DOK6: variants seen among roughly 807,000 people sequenced by gnomAD.
DOK6 encodes docking protein 6.
In DOK6, 22 loss-of-function variants were observed where a neutral mutation model predicts 44.0. That is an observed-to-expected ratio of 0.50 (90% CI 0.36 to 0.71). DOK6 has a LOEUF of 0.71. DOK6 is among the 30% of genes least tolerant of loss of function. The probability of loss-of-function intolerance (pLI) is 0.00; values close to 1 mark genes in which losing one functional copy is unlikely to be tolerated. For missense variants in DOK6, 340 were observed against 416.4 expected, an observed-to-expected ratio of 0.82 and a Z score of 1.60; for synonymous variants, 166 against 145.5, an observed-to-expected ratio of 1.14 and a Z score of -1.01.
chr18:69,806,606 A>G (rs1981057961), intron 7 of DOK6, among the ~76,000 whole-genome samples: 1 of 151,942 alleles, frequency 6.6e-6, no homozygotes, highest in South Asian at 2.1e-4. Context: ...CCATAAATGC[A>G]TTTTGATTTA....
At chr18:69,751,525 A>C (rs935345078) in intron 6 of DOK6, among the ~76,000 whole-genome samples, 2 of 152,176 alleles carry the variant, frequency 1.3e-5, no homozygotes, top group African/African-American at 4.8e-5. Flanking sequence ...CAGAGTGAAT[A>C]GTGTTTATTA....
intron 3 of DOK6, among the ~76,000 whole-genome samples, chr18:69,642,086 T>C (rs1426418601): frequency 6.6e-6 from 1 of 152,244 alleles, no homozygotes; most frequent in East Asian, 1.9e-4. Context: ...TTTATCTTGT[T>C]TACTTATTTC....
intron 7 of DOK6, among the ~76,000 whole-genome samples, chr18:69,826,628 T>C (rs1312373166): frequency 2.0e-5 from 3 of 152,124 alleles, no homozygotes; most frequent in African/African-American, 4.8e-5. Flanking sequence ...ATCTCTGATC[T>C]CTTACTTTCT....
intron 5 of DOK6, among the ~76,000 whole-genome samples, chr18:69,717,930 G>A (rs1986921193): frequency 6.6e-6 from 1 of 152,214 alleles, no homozygotes; most frequent in Admixed American, 6.5e-5. Flanking sequence ...GGCCTTAGAT[G>A]TCAAAGAATC....
At chr18:69,741,459 A>G (rs1599298943) in intron 6 of DOK6, among the ~76,000 whole-genome samples, 3 of 152,112 alleles carry the variant, frequency 2.0e-5, no homozygotes, top group African/African-American at 7.2e-5. Context: ...TCCAGATACA[A>G]TTTTTTTATA....
At chr18:69,430,843 G>A (rs1978786086) in intron 1 of DOK6, among the ~76,000 whole-genome samples, 2 of 152,112 alleles carry the variant, frequency 1.3e-5, no homozygotes, top group African/African-American at 4.8e-5. Flanking sequence ...GCGGGTGCCT[G>A]TGGTCCCAGC....
chr18:69,526,217 G>C (rs9950126), intron 1 of DOK6, among the ~76,000 whole-genome samples: 84,304 of 151,740 alleles, frequency 0.56, 24,090 homozygotes, highest in Non-Finnish European at 0.63. Flanking sequence ...ATCCCATAAC[G>C]ATGAACAGTC....
At chr18:69,763,661 A>T (rs1348481047) in intron 7 of DOK6, among the ~76,000 whole-genome samples, 2 of 152,218 alleles carry the variant, frequency 1.3e-5, no homozygotes, top group East Asian at 3.8e-4. Flanking sequence ...AACAAAAAAC[A>T]AGGAAATCAG....
intron 7 of DOK6, among the ~76,000 whole-genome samples, chr18:69,839,914 A>G (rs1982165903): frequency 6.6e-6 from 1 of 152,208 alleles, no homozygotes; most frequent in Non-Finnish European, 1.5e-5. Flanking sequence ...AATCCAGGAC[A>G]TAGTGAATCT....
chr18:69,568,205 C>T (rs189114505), intron 2 of DOK6, among the ~76,000 whole-genome samples: 9 of 152,312 alleles, frequency 5.9e-5, no homozygotes, highest in East Asian at 1.9e-4. Flanking sequence ...ATATGCACAG[C>T]GTCAGCAGGG....
chr18:69,470,705 C>T (rs986820065), intron 1 of DOK6, among the ~76,000 whole-genome samples: 2 of 150,832 alleles, frequency 1.3e-5, no homozygotes, highest in Non-Finnish European at 1.5e-5. Flanking sequence ...GGAGGGAATA[C>T]ATATATATGT....
chr18:69,821,745 C>G (rs909096267), intron 7 of DOK6, among the ~76,000 whole-genome samples: 2 of 150,804 alleles, frequency 1.3e-5, no homozygotes, highest in Non-Finnish European at 2.9e-5. Flanking sequence ...CACATGAGCT[C>G]TCTGATTTTT....
intron 7 of DOK6, among the ~76,000 whole-genome samples, chr18:69,764,977 G>C (rs962999975): frequency 2.0e-5 from 3 of 152,150 alleles, no homozygotes; most frequent in Non-Finnish European, 2.9e-5. Flanking sequence ...TGACGCTCAC[G>C]GAAAGGGTGT....
intron 5 of DOK6, 108 bp from the exon 6 acceptor site, chr18:69,738,856 TG>T (rs1297801665): frequency 7.4e-7 from 1 of 1,357,434 alleles, no homozygotes. Context: ...CTAACTCCTG[TG>T]GAGGTCAGGA....
At chr18:69,728,239 A>G (rs1017005738) in intron 5 of DOK6, among the ~76,000 whole-genome samples, 9 of 152,196 alleles carry the variant, frequency 5.9e-5, no homozygotes, top group African/African-American at 2.2e-4. Context: ...CTAGAGACCA[A>G]TTTATTTCAC....
chr18:69,459,099 AC>A (rs75585225), intron 1 of DOK6, among the ~76,000 whole-genome samples: 18,900 of 97,792 alleles, frequency 0.19, 1,890 homozygotes, highest in South Asian at 0.32. Context: ...CCCCCCAACA[AC>A]CCCCCCCCCA....
intron 1 of DOK6, among the ~76,000 whole-genome samples, chr18:69,459,985 T>A (rs1979742715): frequency 6.6e-6 from 1 of 152,212 alleles, no homozygotes; most frequent in African/African-American, 2.4e-5. Flanking sequence ...AAAATTTAAT[T>A]TATAACCAAT....
At chr18:69,570,764 G>GAC (rs201014736) in intron 2 of DOK6, among the ~76,000 whole-genome samples, 2 of 151,950 alleles carry the variant, frequency 1.3e-5, no homozygotes, top group Non-Finnish European at 2.9e-5. Flanking sequence ...TCTTTAGGAT[G>GAC]ACACACACAC....
chr18:69,636,664 G>A (rs1984817001), intron 3 of DOK6, among the ~76,000 whole-genome samples: 1 of 152,166 alleles, frequency 6.6e-6, no homozygotes, highest in African/African-American at 2.4e-5. Flanking sequence ...TCAAAGATCT[G>A]CTTATGTTCC....
Sources: gnomAD v4.1 joint callset for allele counts (sites outside exome capture counted in the v4.1 genomes callset) on GRCh38, gnomAD v4.1.1 for gene constraint, MANE v1.5 for transcripts, NCBI Gene and HGNC (gene_info 2026-07-23, HGNC 2026-07-21) for gene names.